The following FAM204A variants were observed in gnomAD, a reference collection of about 807,000 sequenced individuals.
FAM204A encodes family with sequence similarity 204 member A, also known as protein FAM204A.
FAM204A carries 16 observed loss-of-function variants against 35.4 expected under a neutral mutation model. The ratio of observed to expected loss-of-function variants is 0.45; its 90% CI spans 0.31 to 0.69. FAM204A has a LOEUF of 0.69. FAM204A is among the 30% of genes least tolerant of loss of function. The pLI is 0.07. For synonymous variants in FAM204A, 76 were observed against 86.9 expected, an observed-to-expected ratio of 0.88 and a Z score of 0.70; for missense variants, 240 against 265.7, an observed-to-expected ratio of 0.90 and a Z score of 0.67.
At chr10:118,339,690 A>C (rs923802868) in intron 2 of FAM204A, among the ~76,000 whole-genome samples, 3 of 152,198 alleles carry the variant, frequency 2.0e-5, no homozygotes, top group African/African-American at 7.2e-5. Flanking sequence ...GCCCCAAGGA[A>C]AATGTAAATG....
rs2119754625 is a variant in FAM204A, at chr10:118,299,456, A to C, written c.*11401T>G. ...GACTGCAGTGGTGCGATCACGGCTC[A>C]CTGCAGCCTCGACCTCTCGGGTTTA... On this transcript the variant is annotated 3_prime_UTR_variant, in exon 9 of 9. Transcript: ENST00000369183. The C allele has an allele frequency of 7.7e-6, 1 of 130,450 alleles. No individual in the cohort carries two copies. Among genetic ancestry groups the C allele is most frequent in the East Asian group, 2.4e-4 (1 of 4,250 alleles). 8.1% of individuals were successfully genotyped at this position (130,450 alleles called of 1,614,324 possible). A position where few individuals can be genotyped will look rare whatever the true frequency, so the allele number is the denominator to read the frequency against.
At chr10:118,320,925 T>C (rs1204382882) in intron 7 of FAM204A, among the ~76,000 whole-genome samples, 1 of 151,510 alleles carries the variant, frequency 6.6e-6, no homozygotes, top group Non-Finnish European at 1.5e-5. Flanking sequence ...TTAAGAACTG[T>C]TTTCAAGGCC....
rs59564428 is a variant in FAM204A at position 118,332,173 on chromosome 10, GAA to G, written c.453+2939_453+2940del. 9.2e-5 allele frequency among the ~76,000 whole-genome samples: 5 copies of G among 54,158 alleles called. 1 individual carries two copies. The highest frequency in any genetic ancestry group is 7.8e-4 in the East Asian group (1 of 1,276). The allele number at this position is 54,158 out of a possible 152,430, so 35.5% of individuals were successfully genotyped here. A position where few individuals can be genotyped will look rare whatever the true frequency, so the allele number is the denominator to read the frequency against. The stretch of plus-strand genomic sequence containing the variant: ...GGCAACAGAGCAAGACTCTGTTTCA[GAA>G]AAAAAAAAAAAAAATCATATGAGTC... On this transcript the variant is annotated intron_variant, in intron 6 of 8. Coordinates refer to ENST00000369183, the MANE Select transcript of FAM204A (RefSeq NM_022063.3).
intron 2 of FAM204A, among the ~76,000 whole-genome samples, chr10:118,341,174 T>A (rs1846474259): frequency 6.6e-6 from 1 of 152,208 alleles, no homozygotes; most frequent in Admixed American, 6.5e-5. Context: ...ACCCAAAAGA[T>A]ATATTTGAGC....
chr10:118,311,080 T>C (rs1589718205), intron 8 of FAM204A, 127 bp downstream of exon 8: 3 of 1,048,074 alleles, frequency 2.9e-6, no homozygotes, highest in African/African-American at 1.6e-5. Flanking sequence ...TATAATCTGA[T>C]AAACATTCAA....
At chr10:118,319,706 T>C (rs540114450) in intron 7 of FAM204A, among the ~76,000 whole-genome samples, 6 of 151,826 alleles carry the variant, frequency 4.0e-5, no homozygotes, top group Admixed American at 3.9e-4. Flanking sequence ...AATCAAAGGG[T>C]TTTAGATTCA....
At chr10:118,339,663 T>C (rs74559274) in intron 2 of FAM204A, among the ~76,000 whole-genome samples, 4,628 of 152,308 alleles carry the variant, frequency 0.03, 216 homozygotes, top group African/African-American at 0.1. Flanking sequence ...CAAATAATTT[T>C]CAATTTAATC....
Position 118,310,484 on chromosome 10 carries a change from G to A in FAM204A, c.*373C>T, listed in dbSNP as rs1259507374. ...TGGGTGACAGAGCAAGCGAGGCTCT[G>A]TCTCAAAAAAAAAAAAAAAAAGAAA... On this transcript the variant is annotated 3_prime_UTR_variant, in exon 9 of 9. Coordinates refer to ENST00000369183, the MANE Select transcript of FAM204A (RefSeq NM_022063.3). The A allele has an allele frequency of 5.6e-6, 1 of 179,034 alleles. No homozygotes were observed. Among genetic ancestry groups the A allele is most frequent in the African/African-American group, 2.6e-5 (1 of 37,946 alleles). 11.1% of individuals were successfully genotyped at this position (179,034 alleles called of 1,614,324 possible).
chr10:118,304,955 C>T lies in FAM204A; in HGVS notation c.*5902G>A, dbSNP rs1845846491. 1 of 152,216 alleles carries T rather than the reference C, an allele frequency of 6.6e-6. No homozygotes were observed. Among genetic ancestry groups the T allele is most frequent in the Admixed American group, 6.5e-5 (1 of 15,286 alleles). The allele number at this position is 152,216 out of a possible 1,614,324, so 9.4% of individuals were successfully genotyped here. A position where few individuals can be genotyped will look rare whatever the true frequency, so the allele number is the denominator to read the frequency against. ...CCTCCCAGTCTATATTTTCCAGCTTCCCTTGTGGTTAGTGTGATGAAGTAA... is the reference window on the plus strand; with the variant it reads ...CCTCCCAGTCTATATTTTCCAGCTTTCCTTGTGGTTAGTGTGATGAAGTAA... On this transcript the variant is annotated 3_prime_UTR_variant, in exon 9 of 9. Coordinates refer to ENST00000369183, the MANE Select transcript of FAM204A (RefSeq NM_022063.3).
chr10:118,313,444 C>T (rs151324272), intron 7 of FAM204A, among the ~76,000 whole-genome samples: 4 of 152,254 alleles, frequency 2.6e-5, no homozygotes, highest in African/African-American at 7.2e-5. Context: ...GAACTACTCA[C>T]GTGGCTCCGA....
At chr10:118,334,466 T>C (rs1226603074) in intron 6 of FAM204A, among the ~76,000 whole-genome samples, 1 of 152,212 alleles carries the variant, frequency 6.6e-6, no homozygotes, top group Non-Finnish European at 1.5e-5. Context: ...ATCATCATCT[T>C]ATGCCTAGAA....
chr10:118,340,659 A>C (rs1846462520), intron 2 of FAM204A, among the ~76,000 whole-genome samples: 1 of 152,176 alleles, frequency 6.6e-6, no homozygotes, highest in South Asian at 2.1e-4. Context: ...GACACTGAGA[A>C]GGGGAAGGAA....
intron 7 of FAM204A, 189 bp from the exon 8 acceptor site, chr10:118,311,502 T>A: frequency 3.7e-6 from 2 of 536,694 alleles, no homozygotes; most frequent in Non-Finnish European, 6.5e-6. Context: ...TGACTCCCAA[T>A]AGACCCTTTA....
At chr10:118,322,088 G>A (rs560313926) in intron 7 of FAM204A, among the ~76,000 whole-genome samples, 33 of 152,176 alleles carry the variant, frequency 2.2e-4, no homozygotes, top group Middle Eastern at 3.4e-3. Flanking sequence ...AAAGTACAAT[G>A]AGATCATATT....
At chr10:118,335,456 T>C in intron 4 of FAM204A, 30 bp from the exon 5 acceptor site, 3 of 1,597,054 alleles carry the variant, frequency 1.9e-6, no homozygotes, top group Non-Finnish European at 2.6e-6. Flanking sequence ...TGTCAATACC[T>C]AACTTCAGTA....
chr10:118,333,603 C>T (rs759462609), intron 6 of FAM204A, among the ~76,000 whole-genome samples: 1 of 152,128 alleles, frequency 6.6e-6, no homozygotes, highest in African/African-American at 2.4e-5. Flanking sequence ...ACCAAGAGAA[C>T]AGGAAACATG....
At chr10:118,337,911 T>C (rs1481072202) in intron 2 of FAM204A, among the ~76,000 whole-genome samples, 1 of 152,186 alleles carries the variant, frequency 6.6e-6, no homozygotes, top group African/African-American at 2.4e-5. Context: ...GTTCATAAGA[T>C]AGTTTTGAAG....
intron 7 of FAM204A, among the ~76,000 whole-genome samples, chr10:118,321,082 G>A (rs955920790): frequency 1.3e-5 from 2 of 151,776 alleles, no homozygotes; most frequent in African/African-American, 2.4e-5. Context: ...TGGGATCTGT[G>A]CCTCTGAGCA....
chr10:118,299,050 T>C lies in FAM204A; in HGVS notation c.*11807A>G, dbSNP rs571576233. ...TCCTTCTCTGGCCCCCTGGACAGTGTACGTGTGAGTGACGGTTCCCTCTGG... is the reference window on the plus strand; with the variant it reads ...TCCTTCTCTGGCCCCCTGGACAGTGCACGTGTGAGTGACGGTTCCCTCTGG... On this transcript the variant is annotated 3_prime_UTR_variant, in exon 9 of 9. Transcript: ENST00000369183. The C allele has an allele frequency of 6.6e-6, 1 of 152,332 alleles. No individual in the cohort carries two copies. The highest frequency in any genetic ancestry group is 2.1e-4 in the South Asian group (1 of 4,832). 9.4% of individuals were successfully genotyped at this position (152,332 alleles called of 1,614,324 possible). A position where few individuals can be genotyped will look rare whatever the true frequency, so the allele number is the denominator to read the frequency against.
Sources: gnomAD v4.1 joint callset for allele counts (sites outside exome capture counted in the v4.1 genomes callset) on GRCh38, gnomAD v4.1.1 for gene constraint, MANE v1.5 for transcripts, NCBI Gene and HGNC (gene_info 2026-07-23, HGNC 2026-07-21) for gene names.